ZC3H7A: variants seen among roughly 807,000 people sequenced by gnomAD.
The protein encoded by ZC3H7A is zinc finger CCCH-type containing 7A.
ZC3H7A carries 44 observed loss-of-function variants against 125.5 expected under a neutral mutation model. That is an observed-to-expected ratio of 0.35 (90% CI 0.28 to 0.45). ZC3H7A has a LOEUF of 0.45. Ranked by LOEUF, ZC3H7A falls within the 20% of genes least tolerant of loss-of-function variation. The probability of loss-of-function intolerance (pLI) is 1.00; values close to 1 mark genes in which losing one functional copy is unlikely to be tolerated. For synonymous variants in ZC3H7A, 399 were observed against 391.2 expected (o/e 1.02, Z -0.23); for missense variants, 977 against 1,170.7 (o/e 0.83, Z 2.41).
chr16:11,758,412 A>C lies in ZC3H7A; in HGVS notation c.2428+19T>G, dbSNP rs756256363. The C allele has an allele frequency of 7.4e-5, 117 of 1,573,332 alleles. No homozygotes were observed. The East Asian group carries it at 1.7e-3, about 23-fold the overall frequency. Reference sequence around the variant, plus strand: ...TTCAGGCAAGCTAGCTCAAGGACACAGCTAAAAGATTAACTTACTCCCATT... The same window carrying C: ...TTCAGGCAAGCTAGCTCAAGGACACCGCTAAAAGATTAACTTACTCCCATT... On this transcript the variant is annotated intron_variant, in intron 20 of 22. Transcript: ENST00000355758.
At chr16:11,775,116 T>C (rs903163355) in intron 7 of ZC3H7A, 103 bp from the exon 8 acceptor site, 3 of 1,268,934 alleles carry the variant, frequency 2.4e-6, no homozygotes, top group African/African-American at 2.9e-5. Context: ...CTCACGCCTG[T>C]AATCCCAGCA....
chr16:11,756,092 G>A, intron 21 of ZC3H7A, 145 bp downstream of exon 21: 3 of 1,155,802 alleles, frequency 2.6e-6, no homozygotes, highest in Non-Finnish European at 3.6e-6. Flanking sequence ...GAACCAGGGA[G>A]GCGGAGGTTG....
intron 18 of ZC3H7A, 77 bp from the exon 19 acceptor site, chr16:11,761,588 T>G (rs568913487): frequency 1.4e-6 from 2 of 1,460,168 alleles, no homozygotes; most frequent in African/African-American, 1.4e-5. Flanking sequence ...GCACAAAGTT[T>G]GTACCTGAGG....
intron 22 of ZC3H7A, among the ~76,000 whole-genome samples, chr16:11,752,222 AAG>A (rs1302299863): frequency 5.9e-5 from 9 of 152,280 alleles, no homozygotes; most frequent in Admixed American, 4.6e-4. Flanking sequence ...AAAATTTTCT[AAG>A]AAAACTTAAA....
chr16:11,774,646 G>T, intron 8 of ZC3H7A, 127 bp from the exon 9 acceptor site: 2 of 1,166,542 alleles, frequency 1.7e-6, no homozygotes, highest in South Asian at 1.9e-5. Flanking sequence ...AAAATTGACA[G>T]TATAGTAAAG....
At chr16:11,784,061 G>T (rs2053215581) in intron 1 of ZC3H7A, among the ~76,000 whole-genome samples, 2 of 152,180 alleles carry the variant, frequency 1.3e-5, no homozygotes, top group Non-Finnish European at 1.5e-5. Flanking sequence ...GGATTCTTCA[G>T]TACTATTCTC....
chr16:11,791,632 G>C (rs1156471708), intron 1 of ZC3H7A, among the ~76,000 whole-genome samples: 2 of 152,236 alleles, frequency 1.3e-5, no homozygotes, highest in African/African-American at 4.8e-5. Flanking sequence ...AGGCCCAGGA[G>C]ATAGAAGCTG....
rs1332748604 is a variant in ZC3H7A at position 11,767,550 on chromosome 16, A to G, written c.1389T>C (p.His463=). Residue 463 remains histidine, a synonymous_variant, in exon 13 of 23, where the codon CAT becomes CAC. Transcript: ENST00000355758. ...SGPKLMDFTY[H]ANIDHKCKKD... is the part of the protein sequence containing the mutation. ...TCTTACACTTATGATCTATGTTAGCATGGTAAGTGAAATCCATTAACTTAG... is the reference window on the plus strand; with the variant it reads ...TCTTACACTTATGATCTATGTTAGCGTGGTAAGTGAAATCCATTAACTTAG... 1 of 1,598,464 alleles carries G rather than the reference A, an allele frequency of 6.3e-7. No individual in the cohort carries two copies. Among genetic ancestry groups the G allele is most frequent in the South Asian group, 1.1e-5 (1 of 87,944 alleles).
chr16:11,751,564 A>G, intron 22 of ZC3H7A, 58 bp from the exon 23 acceptor site: 1 of 1,530,494 alleles, frequency 6.5e-7, no homozygotes, highest in South Asian at 1.2e-5. Context: ...AAATCGTGTC[A>G]TGATTCTTGA....
intron 17 of ZC3H7A, among the ~76,000 whole-genome samples, 180 bp from the exon 18 acceptor site, chr16:11,762,223 A>G (rs2052764399): frequency 6.6e-6 from 1 of 152,216 alleles, no homozygotes; most frequent in African/African-American, 2.4e-5. Context: ...AATGTAAGAG[A>G]ATATCATAAA....
At chr16:11,772,194 CA>C (rs370155246) in intron 9 of ZC3H7A, among the ~76,000 whole-genome samples, 6,704 of 122,320 alleles carry the variant, frequency 0.055, 527 homozygotes, top group African/African-American at 0.17. Flanking sequence ...GACTCTGTCT[CA>C]AAAAAAAAAA....
chr16:11,792,348 T>G, intron 1 of ZC3H7A, among the ~76,000 whole-genome samples: 1 of 152,250 alleles, frequency 6.6e-6, no homozygotes, highest in East Asian at 1.9e-4. Flanking sequence ...ATCTTGAAGT[T>G]ATGTAAGATC....
chr16:11,780,820 G>A (rs2053162836), intron 3 of ZC3H7A, among the ~76,000 whole-genome samples: 1 of 152,168 alleles, frequency 6.6e-6, no homozygotes, highest in Non-Finnish European at 1.5e-5. Flanking sequence ...AGAGTCTGCA[G>A]TCAAAGTCCC....
chr16:11,776,585 G>T, intron 5 of ZC3H7A, 53 bp from the exon 6 acceptor site: 1 of 1,537,254 alleles, frequency 6.5e-7, no homozygotes, highest in Non-Finnish European at 8.8e-7. Flanking sequence ...TAATGGTGAA[G>T]AAGAATAGAC....
At chr16:11,789,955 C>A (rs2053321861) in intron 1 of ZC3H7A, among the ~76,000 whole-genome samples, 1 of 151,768 alleles carries the variant, frequency 6.6e-6, no homozygotes, top group African/African-American at 2.4e-5. Flanking sequence ...GAGGCATACA[C>A]CTGTAATCCC....
chr16:11,793,881 T>C (rs1353086055), intron 1 of ZC3H7A, among the ~76,000 whole-genome samples: 1 of 152,124 alleles, frequency 6.6e-6, no homozygotes, highest in Non-Finnish European at 1.5e-5. Context: ...GAAGGTAATG[T>C]TACATTTTGG....
chr16:11,762,904 A>T, intron 16 of ZC3H7A, 157 bp from the exon 17 acceptor site: 1 of 628,284 alleles, frequency 1.6e-6, no homozygotes, highest in Non-Finnish European at 2.7e-6. Flanking sequence ...CTTTTTTGAA[A>T]TGGAATATAC....
At position 11,765,002 on chromosome 16, in the gene ZC3H7A, T is replaced by C. The variant is rs1218662178; in HGVS notation, c.1820+51A>G. On this transcript the variant is annotated intron_variant, in intron 15 of 22. Transcript: ENST00000355758. This position sits in a 1 kb window ranked among gnomAD's most constrained non-coding sequence, Gnocchi z 4.8. ...ATTACTACTAGTTTTTATTCAGATCTAGAAAAAGAATCTATTTTGTCATTA... is the reference window on the plus strand; with the variant it reads ...ATTACTACTAGTTTTTATTCAGATCCAGAAAAAGAATCTATTTTGTCATTA... The C allele has an allele frequency of 7.8e-7, 1 of 1,278,422 alleles. No individual in the cohort carries two copies. The allele number at this position is 1,278,422 out of a possible 1,614,324, so 79.2% of individuals were successfully genotyped here.
chr16:11,765,730 G>T lies in ZC3H7A; in HGVS notation c.1523-45C>A. On this transcript the variant is annotated intron_variant, in intron 13 of 22. Transcript: ENST00000355758. The surrounding 1 kb of genome is among the most constrained non-coding windows in gnomAD (Gnocchi z 4.8). ...ACAGACATTGAAAACATGGCAATTG[G>T]CCTGTACTCCCAGCTACTTGGGAGG... 1.3e-6 allele frequency: 2 copies of T among 1,568,076 alleles called. No homozygotes were observed. The highest frequency in any genetic ancestry group is 1.7e-6 in the Non-Finnish European group (2 of 1,152,052).
Sources: gnomAD v4.1 joint callset for allele counts (sites outside exome capture counted in the v4.1 genomes callset) on GRCh38, gnomAD v4.1.1 for gene constraint, Gnocchi (gnomAD v3.1) non-coding constraint, MANE v1.5 for transcripts, NCBI Gene and HGNC (gene_info 2026-07-23, HGNC 2026-07-21) for gene names.